The following EPHA7 variants were observed in gnomAD, a reference collection of about 807,000 sequenced individuals.
The protein encoded by EPHA7 is EPH receptor A7, also known as ephrin type-A receptor 7.
Under a neutral mutation model 112.6 loss-of-function variants are expected in EPHA7, and 25 were observed. That is an observed-to-expected ratio of 0.22 (90% CI 0.16 to 0.31). The LOEUF (loss-of-function observed/expected upper bound fraction) is 0.31. Among genes scored for constraint, EPHA7 ranks in the 10% least tolerant of loss-of-function variants. The pLI is 1.00. For synonymous variants in EPHA7, 437 were observed against 406.5 expected (o/e 1.07, Z -0.90); for missense variants, 962 against 1,212.6 (o/e 0.79, Z 3.07).
At chr6:93,282,605 C>T (rs1771803300) in intron 5 of EPHA7, among the ~76,000 whole-genome samples, 1 of 152,128 alleles carries the variant, frequency 6.6e-6, no homozygotes, top group Non-Finnish European at 1.5e-5. Context: ...TTGGGCTGGC[C>T]AAGGCTGGAG....
At chr6:93,318,718 G>A (rs2127879465) in intron 5 of EPHA7, among the ~76,000 whole-genome samples, 1 of 152,016 alleles carries the variant, frequency 6.6e-6, no homozygotes, top group African/African-American at 2.4e-5. Context: ...ACTTCATGTA[G>A]TTTTTATGAA....
rs1285946394 is a variant in EPHA7, at chr6:93,241,781, T to C, written c.*1645A>G. ...GTAAAATAGAAAAATATAGTGCATT[T>C]TCAATGTATTCAGAGCCCACTACAG... On this transcript the variant is annotated 3_prime_UTR_variant, in exon 17 of 17. Coordinates refer to ENST00000369303, the MANE Select transcript of EPHA7 (RefSeq NM_004440.4). 1 of 219,290 alleles carries C rather than the reference T, an allele frequency of 4.6e-6. No homozygotes were observed. Among genetic ancestry groups the C allele is most frequent in the African/African-American group, 2.2e-5 (1 of 44,518 alleles). 13.6% of individuals were successfully genotyped at this position (219,290 alleles called of 1,614,324 possible).
chr6:93,409,902 T>C (rs1778892455), intron 3 of EPHA7: 1 of 116,876 alleles, frequency 8.6e-6, no homozygotes, highest in Non-Finnish European at 1.6e-5. Context: ...TTTTGGTACT[T>C]AGTCCAAAAA....
rs975356733 is a variant in EPHA7, at chr6:93,342,730, C to T, written c.1324+13987G>A. Among the ~76,000 whole-genome samples, 9 of 151,620 alleles carry T rather than the reference C, an allele frequency of 5.9e-5. No individual in the cohort carries two copies. The East Asian group carries it at 1.5e-3, about 26-fold the overall frequency. Reference sequence around the variant, plus strand: ...GTAATTTCAGTTACCTAGAAGGATACTAAATCTAATTTCTATATTGAGTTA... The same window carrying T: ...GTAATTTCAGTTACCTAGAAGGATATTAAATCTAATTTCTATATTGAGTTA... On this transcript the variant is annotated intron_variant, in intron 5 of 16. Transcript: ENST00000369303.
At chr6:93,322,472 G>T (rs1774123111) in intron 5 of EPHA7, among the ~76,000 whole-genome samples, 1 of 151,596 alleles carries the variant, frequency 6.6e-6, no homozygotes, top group Non-Finnish European at 1.5e-5. Flanking sequence ...TCATAGAGGG[G>T]TGCTTTTCTG....
At chr6:93,280,071 G>C (rs2127895265) in intron 5 of EPHA7, among the ~76,000 whole-genome samples, 1 of 152,252 alleles carries the variant, frequency 6.6e-6, no homozygotes, top group Non-Finnish European at 1.5e-5. Context: ...GAATTGCAAA[G>C]ATGATGATGT....
At chr6:93,383,263 CGTGT>C (rs56368005) in intron 3 of EPHA7, among the ~76,000 whole-genome samples, 26,102 of 145,138 alleles carry the variant, frequency 0.18, 2,403 homozygotes, top group Middle Eastern at 0.23. Context: ...TATTGGAACT[CGTGT>C]GTGTGTGTGT....
chr6:93,343,890 C>T (rs1775262050), intron 5 of EPHA7, among the ~76,000 whole-genome samples: 2 of 151,466 alleles, frequency 1.3e-5, no homozygotes, highest in African/African-American at 4.8e-5. Flanking sequence ...TAATATCTGA[C>T]ATTTGTTGAA....
At chr6:93,318,301 A>G (rs1254566037) in intron 5 of EPHA7, among the ~76,000 whole-genome samples, 2 of 152,178 alleles carry the variant, frequency 1.3e-5, no homozygotes, top group South Asian at 2.1e-4. Flanking sequence ...GCATGTCTCC[A>G]TAACTTGCCA....
intron 5 of EPHA7, among the ~76,000 whole-genome samples, chr6:93,348,170 G>A (rs1419953590): frequency 6.6e-6 from 1 of 151,750 alleles, no homozygotes; most frequent in African/African-American, 2.4e-5. Context: ...TGGAGATCAG[G>A]GAGTTGAGGT....
chr6:93,397,534 G>C (rs1778238499), intron 3 of EPHA7, among the ~76,000 whole-genome samples: 3 of 151,834 alleles, frequency 2.0e-5, no homozygotes. Flanking sequence ...AAAATAGCAA[G>C]ATTTATCACC....
chr6:93,358,728 T>A (rs931201490), intron 3 of EPHA7, among the ~76,000 whole-genome samples: 2 of 152,198 alleles, frequency 1.3e-5, no homozygotes, highest in African/African-American at 4.8e-5. Flanking sequence ...GATATATAAT[T>A]CAAATTTAAC....
intron 5 of EPHA7, among the ~76,000 whole-genome samples, chr6:93,328,060 C>T (rs1582528486): frequency 6.6e-6 from 1 of 151,466 alleles, no homozygotes; most frequent in Non-Finnish European, 1.5e-5. Context: ...CCCCACTGAA[C>T]ATGCTAAACA....
At chr6:93,361,079 A>G (rs1776237945) in intron 3 of EPHA7, among the ~76,000 whole-genome samples, 1 of 152,092 alleles carries the variant, frequency 6.6e-6, no homozygotes, top group South Asian at 2.1e-4. Context: ...TATTAAACAG[A>G]TATTGTCAAT....
At chr6:93,406,000 T>G (rs1778701990) in intron 3 of EPHA7, among the ~76,000 whole-genome samples, 1 of 150,266 alleles carries the variant, frequency 6.7e-6, no homozygotes, top group African/African-American at 2.4e-5. Context: ...TAAAATTGAA[T>G]GTATTGTTTC....
In EPHA7 at chr6:93,303,468, G is replaced by C. The variant is rs11755351; in HGVS notation, c.1325-31046C>G. Among the ~76,000 whole-genome samples, 160 of 152,160 alleles carry C rather than the reference G, an allele frequency of 1.1e-3. 1 individual carries two copies. Among genetic ancestry groups the C allele is most frequent in the Non-Finnish European group, 1.8e-3 (121 of 67,974 alleles). On this transcript the variant is annotated intron_variant, in intron 5 of 16. Transcript: ENST00000369303. The stretch of plus-strand genomic sequence containing the variant: ...AAAATATATGCTCTGTTAATAGTAA[G>C]AAGTGCTAAAGAGAAAAAAAATCAA...
intron 5 of EPHA7, among the ~76,000 whole-genome samples, chr6:93,342,487 A>G (rs1401301792): frequency 6.6e-6 from 1 of 151,848 alleles, no homozygotes. Context: ...TGATGAATTA[A>G]TAAGTTGACT....
At chr6:93,274,601 A>G (rs1183011154) in intron 5 of EPHA7, among the ~76,000 whole-genome samples, 1 of 151,890 alleles carries the variant, frequency 6.6e-6, no homozygotes, top group Non-Finnish European at 1.5e-5. Flanking sequence ...GTAAGTGAAT[A>G]TACTCCTGAA....
intron 5 of EPHA7, among the ~76,000 whole-genome samples, chr6:93,298,090 C>G (rs1247495437): frequency 6.6e-6 from 1 of 151,832 alleles, no homozygotes; most frequent in East Asian, 1.9e-4. Flanking sequence ...ATATTAGCCA[C>G]AAAATAAATA....
Sources: allele counts gnomAD v4.1 joint callset (sites outside exome capture counted in the v4.1 genomes callset), GRCh38; gene constraint gnomAD v4.1.1; transcripts MANE v1.5; gene names NCBI Gene and HGNC (gene_info 2026-07-23, HGNC 2026-07-21).